MTSS1: variants seen among roughly 807,000 people sequenced by gnomAD.
MTSS1 encodes the protein MTSS I-BAR domain containing 1.
In MTSS1, 18 loss-of-function variants were observed where a neutral mutation model predicts 79.0. The ratio of observed to expected loss-of-function variants is 0.23; its 90% confidence interval spans 0.16 to 0.34. MTSS1 has a LOEUF of 0.34. Ranked by LOEUF, MTSS1 falls within the 10% of genes least tolerant of loss-of-function variation. The pLI is 1.00. For missense variants in MTSS1, 815 were observed against 986.2 expected (o/e 0.83, Z 2.33); for synonymous variants, 341 against 368.6 (o/e 0.93, Z 0.86).
intron 10 of MTSS1, among the ~76,000 whole-genome samples, chr8:124,559,936 T>A (rs1186392976): frequency 6.6e-6 from 1 of 152,212 alleles, no homozygotes; most frequent in Non-Finnish European, 1.5e-5. Flanking sequence ...GCCAGAATCA[T>A]ATTTCTGTCC....
intron 3 of MTSS1, among the ~76,000 whole-genome samples, chr8:124,617,690 T>A (rs559585385): frequency 3.9e-4 from 59 of 152,272 alleles, no homozygotes; most frequent in Non-Finnish European, 6.2e-4. Flanking sequence ...ACCTACCTGA[T>A]CATGCCACTC....
At position 124,562,871 on chromosome 8, in the gene MTSS1, T is replaced by C. The variant is rs771832923; in HGVS notation, c.946A>G (p.Ser316Gly). 1.9e-6 allele frequency: 3 copies of C among 1,614,034 alleles called. No individual in the cohort carries two copies. Among genetic ancestry groups the C allele is most frequent in the South Asian group, 1.1e-5 (1 of 91,076 alleles). The change falls in exon 10 of 14, where the codon AGC (serine) becomes GGC (glycine). Residue 316 changes from serine to glycine, a missense_variant. Physicochemically the swap from Ser to Gly is moderately conservative, Grantham distance 56 (BLOSUM62 0). Around this residue, in one of 2 missense-constraint regions of MTSS1, gnomAD observed 590 missense variants for 620.8 expected, o/e 0.95. Coordinates refer to ENST00000518547, the MANE Select transcript of MTSS1 (RefSeq NM_014751.6). ...AATCCTGAGTCATGGGAGGACACGC[T>C]GGACAGCCTCACAGGAGCCTGCTGG... Reference protein sequence around the residue: ...LAQQAPVRLSSVSSHDSGFIS... With the variant: ...LAQQAPVRLSGVSSHDSGFIS...
intron 1 of MTSS1, among the ~76,000 whole-genome samples, chr8:124,725,980 A>C (rs1348216898): frequency 7.0e-6 from 1 of 143,602 alleles, no homozygotes; most frequent in Non-Finnish European, 1.5e-5. Flanking sequence ...CAAAACAAAC[A>C]AACCAAAAAA....
intron 6 of MTSS1, among the ~76,000 whole-genome samples, chr8:124,571,103 A>G (rs1326608603): frequency 6.6e-6 from 1 of 152,174 alleles, no homozygotes; most frequent in Non-Finnish European, 1.5e-5. Context: ...ATCACCATAC[A>G]TTAATCTGGC....
At chr8:124,688,488 T>G (rs1340565790) in intron 3 of MTSS1, among the ~76,000 whole-genome samples, 1 of 152,162 alleles carries the variant, frequency 6.6e-6, no homozygotes, top group Non-Finnish European at 1.5e-5. Flanking sequence ...GTTAAGAAGC[T>G]TATGTCAAAT....
chr8:124,618,868 CT>C (rs1294548617), intron 3 of MTSS1, among the ~76,000 whole-genome samples: 6 of 152,224 alleles, frequency 3.9e-5, no homozygotes, highest in Admixed American at 1.3e-4. Flanking sequence ...GATTCAGTAA[CT>C]TTTGCACATC....
At chr8:124,642,288 A>T (rs888880794) in intron 3 of MTSS1, among the ~76,000 whole-genome samples, 1 of 152,186 alleles carries the variant, frequency 6.6e-6, no homozygotes, top group Non-Finnish European at 1.5e-5. Context: ...ACTCACTGTA[A>T]ATTTTCTGTT....
chr8:124,715,134 C>T (rs749753993), intron 1 of MTSS1, among the ~76,000 whole-genome samples: 24 of 152,218 alleles, frequency 1.6e-4, no homozygotes, highest in Non-Finnish European at 3.1e-4. Flanking sequence ...TGGAAGTGTC[C>T]GCTCTGACCT....
intron 3 of MTSS1, among the ~76,000 whole-genome samples, chr8:124,664,493 A>G (rs1419910970): frequency 6.6e-6 from 1 of 152,178 alleles, no homozygotes; most frequent in South Asian, 2.1e-4. Context: ...AGAGTTTAGG[A>G]GCACACAAGA....
At chr8:124,709,329 G>C (rs1056847068) in intron 1 of MTSS1, among the ~76,000 whole-genome samples, 6 of 151,982 alleles carry the variant, frequency 3.9e-5, no homozygotes, top group African/African-American at 1.2e-4. Context: ...TGCTGGCTGA[G>C]CTCTGTCCCC....
intron 1 of MTSS1, among the ~76,000 whole-genome samples, chr8:124,712,917 G>A (rs113005231): frequency 1.1e-4 from 16 of 152,164 alleles, no homozygotes; most frequent in African/African-American, 3.6e-4. Context: ...TCCTCCTCCC[G>A]CATTACTAGG....
chr8:124,600,102 T>G (rs1449954126), intron 3 of MTSS1, among the ~76,000 whole-genome samples: 1 of 152,100 alleles, frequency 6.6e-6, no homozygotes, highest in Non-Finnish European at 1.5e-5. Flanking sequence ...CTATCTTTGT[T>G]GCATAAATCA....
At chr8:124,643,559 G>A (rs1032192414) in intron 3 of MTSS1, among the ~76,000 whole-genome samples, 5 of 151,952 alleles carry the variant, frequency 3.3e-5, no homozygotes, top group African/African-American at 1.2e-4. Flanking sequence ...TTAGCCAGGC[G>A]TGGTGGCACA....
In MTSS1 at chr8:124,551,833, T is replaced by C. The variant is rs375969948; in HGVS notation, c.*1159A>G. 6.5e-6 allele frequency: 1 copy of C among 152,744 alleles called. No homozygotes were observed. Among genetic ancestry groups the C allele is most frequent in the South Asian group, 2.1e-4 (1 of 4,824 alleles). The allele number at this position is 152,744 out of a possible 1,614,324, so 9.5% of individuals were successfully genotyped here. A position where few individuals can be genotyped will look rare whatever the true frequency, so the allele number is the denominator to read the frequency against. Reference sequence around the variant, plus strand: ...AAATCCTCCTCTCTTCAATGTTTACTGTAAAGCCAGTTAACTGCCATTTAT... The same window carrying C: ...AAATCCTCCTCTCTTCAATGTTTACCGTAAAGCCAGTTAACTGCCATTTAT... On this transcript the variant is annotated 3_prime_UTR_variant, in exon 14 of 14. Coordinates refer to ENST00000518547, the MANE Select transcript of MTSS1 (RefSeq NM_014751.6).
chr8:124,661,270 G>A (rs893982989), intron 3 of MTSS1, among the ~76,000 whole-genome samples: 9 of 151,038 alleles, frequency 6.0e-5, no homozygotes, highest in South Asian at 2.1e-4. Flanking sequence ...CCCCATACAC[G>A]CACTACCCAG....
At chr8:124,706,661 T>C (rs1182415190) in intron 1 of MTSS1, among the ~76,000 whole-genome samples, 2 of 152,276 alleles carry the variant, frequency 1.3e-5, no homozygotes, top group Middle Eastern at 3.2e-3. Flanking sequence ...CCTGAGCTAC[T>C]GTCAACCAAC....
chr8:124,672,858 T>C (rs1457828528), intron 3 of MTSS1, among the ~76,000 whole-genome samples: 1 of 148,368 alleles, frequency 6.7e-6, no homozygotes, highest in African/African-American at 2.5e-5. Context: ...CACACACACA[T>C]ATGCACACAC....
chr8:124,589,487 G>A, intron 5 of MTSS1, 133 bp downstream of exon 5: 1 of 648,950 alleles, frequency 1.5e-6, no homozygotes, highest in Middle Eastern at 3.1e-4. Context: ...GCCTACAGGA[G>A]AGTAGGGACA....
chr8:124,553,427 G>C lies in MTSS1; in HGVS notation c.1833C>G (p.Ile611Met). The C allele has an allele frequency of 2.5e-6, 4 of 1,607,056 alleles. No homozygotes were observed. The highest frequency in any genetic ancestry group is 3.4e-6 in the Non-Finnish European group (4 of 1,175,210). ...TCTTGACAGGGATCACGGGTGTCTT[G>C]ATGGGGATGGGACCAGCTCCAATGG... ...RGTIGAGPIP[I>M]KTPVIPVKTP... is the part of the protein sequence containing the mutation. The change falls in exon 14 of 14, where the codon ATC (isoleucine) becomes ATG (methionine). Residue 611 changes from isoleucine (I) to methionine (M), a missense_variant. Ile to Met is a conservative substitution (Grantham distance 10). Transcript: ENST00000518547. The surrounding 1 kb of genome is among the most constrained non-coding windows in gnomAD (Gnocchi z 6.0).
Sources: gnomAD v4.1 joint callset for allele counts (sites outside exome capture counted in the v4.1 genomes callset) on GRCh38, gnomAD v4.1.1 for gene constraint, gnomAD v4.1.1 regional missense constraint, Gnocchi (gnomAD v3.1) non-coding constraint, MANE v1.5 for transcripts, NCBI Gene and HGNC (gene_info 2026-07-23, HGNC 2026-07-21) for gene names.